The following CFAP77 variants were observed in gnomAD, a reference collection of about 807,000 sequenced individuals.
CFAP77 encodes cilia- and flagella-associated protein 77.
CFAP77 carries 25 observed loss-of-function variants against 31.1 expected under a neutral mutation model. The observed-to-expected ratio is 0.80, with a 90% confidence interval of 0.59 to 1.12. The LOEUF (loss-of-function observed/expected upper bound fraction) is 1.12, where lower values mean the gene tolerates loss of function less well. CFAP77 is among the 50% of genes most tolerant of loss of function. The pLI is 0.00. For synonymous variants in CFAP77, 151 were observed against 159.9 expected (o/e 0.94, Z 0.42); for missense variants, 377 against 397.3 (o/e 0.95, Z 0.44).
At chr9:132,427,390 G>A (rs1475797537) in intron 1 of CFAP77, among the ~76,000 whole-genome samples, 40 of 152,130 alleles carry the variant, frequency 2.6e-4, no homozygotes, top group East Asian at 9.6e-4. Flanking sequence ...AGACTTCTCC[G>A]GTCCTTCTCG....
rs1851430293 is a variant in CFAP77, at chr9:132,480,742, C to CG, written c.196-17949dup. Among the ~76,000 whole-genome samples, 1 of 152,060 alleles carries CG rather than the reference C, an allele frequency of 6.6e-6. No homozygotes were observed. The highest frequency in any genetic ancestry group is 2.1e-4 in the South Asian group (1 of 4,828). On this transcript the variant is annotated intron_variant, in intron 1 of 5. Coordinates refer to ENST00000393216, the MANE Select transcript of CFAP77 (RefSeq NM_001282957.2). The surrounding 1 kb of genome is among the most constrained non-coding windows in gnomAD (Gnocchi z 5.8). The stretch of plus-strand genomic sequence containing the variant: ...TGGTGACATTTCAGCTAGGAGTTAG[C>CG]GGGGCCAGGCGCCGGTGAGGAGAGG...
intron 5 of CFAP77, among the ~76,000 whole-genome samples, chr9:132,563,403 A>G (rs748313888): frequency 4.6e-5 from 7 of 152,342 alleles, no homozygotes; most frequent in East Asian, 1.9e-4. Context: ...AAAGAGCTGC[A>G]TGTGGCTGGG....
At chr9:132,529,156 G>A (rs376748308) in intron 3 of CFAP77, among the ~76,000 whole-genome samples, 3 of 91,392 alleles carry the variant, frequency 3.3e-5, no homozygotes, top group South Asian at 5.1e-4. Flanking sequence ...GCACATATAC[G>A]CCATGGAATA....
rs60497137 is a variant in CFAP77, at chr9:132,481,968, G to T, written c.196-16727G>T. Among the ~76,000 whole-genome samples, 12 of 144,004 alleles carry T rather than the reference G, an allele frequency of 8.3e-5. No homozygotes were observed. Among genetic ancestry groups the T allele is most frequent in the Non-Finnish European group, 1.5e-4 (10 of 65,964 alleles). 94.5% of individuals were successfully genotyped at this position (144,004 alleles called of 152,430 possible). ...AACAAGGGTTTATGGTTGGGGGGGGGGGGGGCGGCGGAACACTGAACATTT... is the reference window on the plus strand; with the variant it reads ...AACAAGGGTTTATGGTTGGGGGGGGTGGGGGCGGCGGAACACTGAACATTT... On this transcript the variant is annotated intron_variant, in intron 1 of 5. Coordinates refer to ENST00000393216, the MANE Select transcript of CFAP77 (RefSeq NM_001282957.2). The surrounding 1 kb of genome is among the most constrained non-coding windows in gnomAD (Gnocchi z 5.0).
At chr9:132,529,523 A>AC (rs1363311460) in intron 3 of CFAP77, among the ~76,000 whole-genome samples, 1 of 130,262 alleles carries the variant, frequency 7.7e-6, no homozygotes, top group Non-Finnish European at 1.8e-5. Context: ...AAAAAAACAA[A>AC]AAAAAAACTA....
chr9:132,459,898 G>A (rs894910129), intron 1 of CFAP77, among the ~76,000 whole-genome samples: 1 of 151,590 alleles, frequency 6.6e-6, no homozygotes, highest in Non-Finnish European at 1.5e-5. Context: ...GTGTGAGTGT[G>A]TTAGTGTGTG....
chr9:132,419,774 C>T (rs769595432), intron 1 of CFAP77, among the ~76,000 whole-genome samples: 61 of 152,026 alleles, frequency 4.0e-4, no homozygotes, highest in Non-Finnish European at 2.6e-4. Flanking sequence ...TGCAAGGGAC[C>T]GGAGGAAACA....
chr9:132,424,825 AGCG>A lies in CFAP77; in HGVS notation c.195+14362_195+14364del, dbSNP rs1302974784. 6.6e-6 allele frequency among the ~76,000 whole-genome samples: 1 copy of A among 152,354 alleles called. No individual in the cohort carries two copies. The highest frequency in any genetic ancestry group is 1.9e-4 in the East Asian group (1 of 5,184). On this transcript the variant is annotated intron_variant, in intron 1 of 5. Coordinates refer to ENST00000393216, the MANE Select transcript of CFAP77 (RefSeq NM_001282957.2). The surrounding 1 kb of genome is among the most constrained non-coding windows in gnomAD (Gnocchi z 4.1). ...CAAAACCTCCATCAAGGCTGAGCAG[AGCG>A]GCCTCCCCCTTTTCAAAGGAAAGGC...
intron 3 of CFAP77, among the ~76,000 whole-genome samples, chr9:132,536,821 C>T (rs1453014653): frequency 5.9e-5 from 9 of 152,174 alleles, no homozygotes; most frequent in Admixed American, 1.3e-4. Context: ...TGTGGCTGAG[C>T]GGGTCTGCCT....
At chr9:132,519,276 GTGGATGGATGGGTGGATGGATGAA>G in intron 3 of CFAP77, among the ~76,000 whole-genome samples, 3 of 147,486 alleles carry the variant, frequency 2.0e-5, no homozygotes, top group Non-Finnish European at 3.0e-5. Flanking sequence ...GAGTGGGTGG[GTGGATGGATGGGTGGATGGATGAA>G]TGGATGGATG....
At chr9:132,478,792 A>C (rs1192279738) in intron 1 of CFAP77, among the ~76,000 whole-genome samples, 2 of 152,246 alleles carry the variant, frequency 1.3e-5, no homozygotes, top group African/African-American at 4.8e-5. Flanking sequence ...CCCTCTTTTC[A>C]TCTAAAGACA....
chr9:132,551,592 G>A (rs115857684), intron 5 of CFAP77, among the ~76,000 whole-genome samples: 2,339 of 152,348 alleles, frequency 0.015, 52 homozygotes, highest in African/African-American at 0.053. Context: ...CACCACGCCC[G>A]GCCCAAGCCT....
At chr9:132,529,502 T>A (rs1201961319) in intron 3 of CFAP77, among the ~76,000 whole-genome samples, 4 of 69,754 alleles carry the variant, frequency 5.7e-5, no homozygotes, top group African/African-American at 1.6e-4. Context: ...AAACTTAGAG[T>A]ATAATAAAAA....
chr9:132,525,261 C>T (rs1046142626), intron 3 of CFAP77, among the ~76,000 whole-genome samples: 17 of 152,090 alleles, frequency 1.1e-4, no homozygotes, highest in African/African-American at 4.1e-4. Context: ...ATCAAGTGAT[C>T]CACCCGCGTT....
At position 132,554,010 on chromosome 9, in the gene CFAP77, C is replaced by T. The variant is rs1343664433; in HGVS notation, c.732+10963C>T. Among the ~76,000 whole-genome samples the T allele has an allele frequency of 1.3e-5, 2 of 152,164 alleles. No individual in the cohort carries two copies. The highest frequency in any genetic ancestry group is 6.5e-5 in the Admixed American group (1 of 15,288). ...TGTCTTCAATGCCTACACTGTGTGC[C>T]AGGCACCATTCCAGGGGCTTGGCAA... On this transcript the variant is annotated intron_variant, in intron 5 of 5. Coordinates refer to ENST00000393216, the MANE Select transcript of CFAP77 (RefSeq NM_001282957.2). The surrounding 1 kb of genome is among the most constrained non-coding windows in gnomAD (Gnocchi z 4.1).
At chr9:132,535,403 G>T (rs1018518585) in intron 3 of CFAP77, among the ~76,000 whole-genome samples, 1 of 152,088 alleles carries the variant, frequency 6.6e-6, no homozygotes, top group Non-Finnish European at 1.5e-5. Flanking sequence ...GGGATATTCT[G>T]CCCAAATCTC....
At chr9:132,529,299 T>C (rs1852391681) in intron 3 of CFAP77, among the ~76,000 whole-genome samples, 2 of 121,520 alleles carry the variant, frequency 1.6e-5, no homozygotes, top group Admixed American at 8.3e-5. Context: ...TAGGTGGGAA[T>C]TGAACAATGA....
chr9:132,458,348 AG>A (rs538139245), intron 1 of CFAP77, among the ~76,000 whole-genome samples: 1,889 of 103,542 alleles, frequency 0.018, 84 homozygotes, highest in African/African-American at 0.027. Context: ...CTGGCGGGGG[AG>A]GGGGGGGGGT....
intron 1 of CFAP77, among the ~76,000 whole-genome samples, chr9:132,459,611 G>A (rs938246273): frequency 6.6e-6 from 1 of 151,582 alleles, no homozygotes; most frequent in Non-Finnish European, 1.5e-5. Context: ...CTGTATATGT[G>A]TGTGTATGTA....
Sources: allele counts gnomAD v4.1 joint callset (sites outside exome capture counted in the v4.1 genomes callset), GRCh38; gene constraint gnomAD v4.1.1; non-coding constraint Gnocchi (gnomAD v3.1); transcripts MANE v1.5; gene names NCBI Gene and HGNC (gene_info 2026-07-23, HGNC 2026-07-21).